The following SFSWAP variants were observed in gnomAD, a reference collection of about 807,000 sequenced individuals.
The protein encoded by SFSWAP is splicing factor, suppressor of white-apricot homolog.
SFSWAP carries 17 observed loss-of-function variants against 100.7 expected under a neutral mutation model. The observed-to-expected ratio is 0.17, with a 90% CI of 0.12 to 0.25. SFSWAP has a LOEUF of 0.25. SFSWAP is among the 10% of genes least tolerant of loss of function. SFSWAP has a pLI of 1.00. For synonymous variants in SFSWAP, 504 were observed against 510.1 expected (o/e 0.99, Z 0.16); for missense variants, 1,005 against 1,262.6 (o/e 0.80, Z 3.09).
intron 7 of SFSWAP, among the ~76,000 whole-genome samples, chr12:131,737,310 A>G (rs561662737): frequency 1.3e-5 from 2 of 152,216 alleles, no homozygotes; most frequent in Non-Finnish European, 2.9e-5. Flanking sequence ...AAGGGCAGGT[A>G]AGAAGGACCA....
intron 15 of SFSWAP, among the ~76,000 whole-genome samples, chr12:131,795,964 CGGGAGGGGAGGGATAGGGGAGGGGAG>C (rs1885609058): frequency 9.0e-6 from 1 of 110,964 alleles, no homozygotes; most frequent in Non-Finnish European, 1.8e-5. Context: ...GCAAGCAGGA[CGGGAGGGGAGGGATAGGGGAGGGGAG>C]GGGAGAGGGG....
In SFSWAP at chr12:131,726,989, G is replaced by A. The variant is rs773607335; in HGVS notation, c.882G>A (p.Gly294=). The change falls in exon 6 of 18, where the codon GGG becomes GGA. Residue 294 remains glycine (G), a synonymous_variant. Coordinates refer to ENST00000261674, the MANE Select transcript of SFSWAP (RefSeq NM_004592.4). ...DNEDDDDEED[G]NYLHPSLFAS... ...AAGATGATGATGATGAAGAAGATGGGAATTACCTTCATCCCTCTCTCTTTG... is the reference window on the plus strand; with the variant it reads ...AAGATGATGATGATGAAGAAGATGGAAATTACCTTCATCCCTCTCTCTTTG... 2 of 1,608,230 alleles carry A rather than the reference G, an allele frequency of 1.2e-6. No homozygotes were observed. The highest frequency in any genetic ancestry group is 2.2e-5 in the South Asian group (2 of 89,872).
At chr12:131,793,802 C>T (rs1885440871) in intron 15 of SFSWAP, among the ~76,000 whole-genome samples, 1 of 152,144 alleles carries the variant, frequency 6.6e-6, no homozygotes, top group Admixed American at 6.6e-5. Context: ...CCGGTACACA[C>T]ATGGAAAGAT....
chr12:131,749,551 T>C (rs927446013), intron 7 of SFSWAP, among the ~76,000 whole-genome samples: 2 of 152,174 alleles, frequency 1.3e-5, no homozygotes, highest in Non-Finnish European at 1.5e-5. Flanking sequence ...TGTCCTATAG[T>C]TGGTAGTCAG....
intron 11 of SFSWAP, among the ~76,000 whole-genome samples, chr12:131,763,353 G>C (rs1357064097): frequency 6.6e-6 from 1 of 152,122 alleles, no homozygotes; most frequent in African/African-American, 2.4e-5. Flanking sequence ...CCTTCATTGT[G>C]GGTGCCTTGA....
intron 11 of SFSWAP, chr12:131,758,077 C>T (rs1882339691): frequency 6.6e-6 from 1 of 152,662 alleles, no homozygotes; most frequent in South Asian, 2.1e-4. Flanking sequence ...GTACCTCATC[C>T]CTTCTCACAC....
At chr12:131,795,365 C>T (rs1371793584) in intron 15 of SFSWAP, among the ~76,000 whole-genome samples, 1 of 152,220 alleles carries the variant, frequency 6.6e-6, no homozygotes, top group Non-Finnish European at 1.5e-5. Flanking sequence ...CGCCCAGAAC[C>T]ACACAAGGGA....
intron 7 of SFSWAP, among the ~76,000 whole-genome samples, chr12:131,738,588 G>T (rs956431228): frequency 6.6e-6 from 1 of 152,194 alleles, no homozygotes; most frequent in African/African-American, 2.4e-5. Flanking sequence ...TATGCCTAAA[G>T]AATTCAGTTC....
intron 4 of SFSWAP, among the ~76,000 whole-genome samples, chr12:131,721,106 G>T (rs942545599): frequency 2.0e-5 from 3 of 152,108 alleles, no homozygotes; most frequent in African/African-American, 7.2e-5. Flanking sequence ...ACTTTCAAAT[G>T]ACCAGATCTT....
In SFSWAP at chr12:131,728,284, T is replaced by C. The variant is rs762582212; in HGVS notation, c.946-9T>C. The C allele has an allele frequency of 1.2e-6, 2 of 1,614,190 alleles. No individual in the cohort carries two copies. Among genetic ancestry groups the C allele is most frequent in the Non-Finnish European group, 1.7e-6 (2 of 1,180,000 alleles). On this transcript the variant is annotated splice_polypyrimidine_tract_variant and intron_variant, in intron 6 of 17. Transcript: ENST00000261674. ...TTGAATGCTAAGGCTGTGTCTTCTC[T>C]GTTTCCAGCCCTTGAAGGTAGTGGA...
chr12:131,753,281 C>T lies in SFSWAP; in HGVS notation c.1240C>T (p.Pro414Ser), dbSNP rs1177173946. Reference sequence around the variant, plus strand: ...CCCTGGAGTGACGACCACCGCCCCACCACCTCCTGGGACCACACCACTACC... The same window carrying T: ...CCCTGGAGTGACGACCACCGCCCCATCACCTCCTGGGACCACACCACTACC... ...NSPGVTTTAP[P>S]PPGTTPLPPP... is the part of the protein sequence containing the mutation. The change falls in exon 8 of 18, where the codon CCA becomes TCA. Residue 414 changes from proline (P) to serine (S), a missense_variant. Pro to Ser is a moderately conservative substitution (Grantham distance 74). Coordinates refer to ENST00000261674, the MANE Select transcript of SFSWAP (RefSeq NM_004592.4). 2 of 1,613,164 alleles carry T rather than the reference C, an allele frequency of 1.2e-6. No individual in the cohort carries two copies. Among genetic ancestry groups the T allele is most frequent in the African/African-American group, 1.3e-5 (1 of 74,910 alleles).
At chr12:131,738,492 G>A (rs1301574020) in intron 7 of SFSWAP, among the ~76,000 whole-genome samples, 1 of 152,192 alleles carries the variant, frequency 6.6e-6, no homozygotes, top group African/African-American at 2.4e-5. Flanking sequence ...TTACGTTAAA[G>A]TGGAAATAAA....
chr12:131,754,402 C>T lies in SFSWAP; in HGVS notation c.1357C>T (p.Pro453Ser), dbSNP rs144654764. Reference protein sequence around the residue: ...LAPVAAIIPPPPDVQPVIDKL... With the variant: ...LAPVAAIIPPSPDVQPVIDKL... ...CCCCGTGGCCGCCATCATCCCCCCG[C>T]CCCCCGACGTCCAGCCCGTGATTGA... Residue 453 changes from proline to serine, a missense_variant, in exon 9 of 18, where the codon CCC becomes TCC. This residue lies in a region of SFSWAP where 311 missense variants were observed against 317.8 expected (regional missense o/e 0.98). Transcript: ENST00000261674. The T allele has an allele frequency of 8.8e-6, 14 of 1,591,968 alleles. 1 individual carries two copies. In the South Asian group the frequency reaches 9.0e-5, roughly 10 times the overall value.
chr12:131,753,569 T>TA (rs1385354098), intron 8 of SFSWAP: 1 of 634,648 alleles, frequency 1.6e-6, no homozygotes, highest in Non-Finnish European at 2.6e-6. Flanking sequence ...GCATTGAAGT[T>TA]AAACCACTTA....
At chr12:131,775,935 CAAAAAAA>C (rs200016159) in intron 13 of SFSWAP, among the ~76,000 whole-genome samples, 10 of 85,412 alleles carry the variant, frequency 1.2e-4, no homozygotes, top group Non-Finnish European at 2.5e-4. Flanking sequence ...ACTAAAAATA[CAAAAAAA>C]AAAAAAAAAA....
rs185833508 is a variant in SFSWAP, at chr12:131,715,762, A to C, written c.520+809A>C. On this transcript the variant is annotated intron_variant, in intron 3 of 17. Transcript: ENST00000261674. ...AACATTCAAATGTTTACATTACATC[A>C]AATGGAGATTTAATTGTAGAGCTAA... Among the ~76,000 whole-genome samples the C allele has an allele frequency of 7.8e-3, 1,182 of 151,980 alleles. 4 individuals carry two copies. The highest frequency in any genetic ancestry group is 0.022 in the South Asian group (104 of 4,782).
In SFSWAP at chr12:131,764,104, C is replaced by T. The variant is rs1208622119; in HGVS notation, c.1721-352C>T. 9.9e-5 allele frequency among the ~76,000 whole-genome samples: 15 copies of T among 152,018 alleles called. No individual in the cohort carries two copies. The South Asian group carries it at 1.0e-3, about 11-fold the overall frequency. Reference sequence around the variant, plus strand: ...TCGTGCCACTGCACTCCAGCCTGGGCGACAGAGCGAGACTCCATCTCAAAA... The same window carrying T: ...TCGTGCCACTGCACTCCAGCCTGGGTGACAGAGCGAGACTCCATCTCAAAA... On this transcript the variant is annotated intron_variant, in intron 11 of 17. Transcript: ENST00000261674.
At chr12:131,749,249 G>A (rs1195114585) in intron 7 of SFSWAP, among the ~76,000 whole-genome samples, 1 of 152,190 alleles carries the variant, frequency 6.6e-6, no homozygotes, top group Non-Finnish European at 1.5e-5. Context: ...TGGTGGGGTT[G>A]TCGGGAAGTA....
chr12:131,786,689 G>C (rs955254687), intron 15 of SFSWAP, 101 bp downstream of exon 15: 3 of 1,321,514 alleles, frequency 2.3e-6, no homozygotes, highest in Non-Finnish European at 3.1e-6. Context: ...AGCTGTGGAT[G>C]ACCAGAGGGA....
Sources: gnomAD v4.1 joint callset for allele counts (sites outside exome capture counted in the v4.1 genomes callset) on GRCh38, gnomAD v4.1.1 for gene constraint, gnomAD v4.1.1 regional missense constraint, MANE v1.5 for transcripts, NCBI Gene and HGNC (gene_info 2026-07-23, HGNC 2026-07-21) for gene names.